The following BTRC variants were observed in gnomAD, a reference collection of about 807,000 sequenced individuals.
BTRC encodes F-box/WD repeat-containing protein 1A.
BTRC carries 42 observed loss-of-function variants against 85.5 expected under a neutral mutation model. The ratio of observed to expected loss-of-function variants is 0.49; its 90% CI spans 0.38 to 0.64. The LOEUF (loss-of-function observed/expected upper bound fraction) is 0.64, where lower values mean the gene tolerates loss of function less well. BTRC is among the 30% of genes least tolerant of loss of function. The probability of loss-of-function intolerance (pLI) is 0.00; values close to 1 mark genes in which losing one functional copy is unlikely to be tolerated. For synonymous variants in BTRC, 255 were observed against 263.3 expected (o/e 0.97, Z 0.30); for missense variants, 594 against 743.5 (o/e 0.80, Z 2.34).
intron 1 of BTRC, among the ~76,000 whole-genome samples, chr10:101,420,780 T>C (rs1413330533): frequency 6.6e-6 from 1 of 152,054 alleles, no homozygotes; most frequent in Non-Finnish European, 1.5e-5. Context: ...CTTAGCTTGA[T>C]GCCTCCTTTG....
chr10:101,362,429 C>T (rs541523556), intron 1 of BTRC, among the ~76,000 whole-genome samples: 29 of 150,954 alleles, frequency 1.9e-4, no homozygotes, highest in African/African-American at 6.8e-4. Context: ...GAGTTTCGCT[C>T]TTGTTGCCCA....
chr10:101,477,271 G>A (rs1283361368), intron 3 of BTRC, among the ~76,000 whole-genome samples: 1 of 151,998 alleles, frequency 6.6e-6, no homozygotes, highest in African/African-American at 2.4e-5. Context: ...AAAGTGCTGG[G>A]ATTACAGGTG....
At position 101,385,849 on chromosome 10, in the gene BTRC, A is replaced by G. The variant is rs1236706967; in HGVS notation, c.48+31621A>G. Among the ~76,000 whole-genome samples the G allele has an allele frequency of 4.0e-5, 6 of 150,590 alleles. No individual in the cohort carries two copies. The East Asian group carries it at 5.8e-4, about 15-fold the overall frequency. ...AGCTTGTTTTTTTTTTGATTCTTGC[A>G]TAGTATATTTTTATTTAAAAGGTTT... On this transcript the variant is annotated intron_variant, in intron 1 of 14. Transcript: ENST00000370187.
Position 101,554,023 on chromosome 10 carries a change from C to T in BTRC, c.*900C>T, listed in dbSNP as rs1434933850. 3 of 152,174 alleles carry T rather than the reference C, an allele frequency of 2.0e-5. No individual in the cohort carries two copies. Among genetic ancestry groups the T allele is most frequent in the Non-Finnish European group, 4.4e-5 (3 of 68,040 alleles). 9.4% of individuals were successfully genotyped at this position (152,174 alleles called of 1,614,324 possible). ...TTTGCAACTCTTCTCTCTCTTTCTTCCCCACACCCAAGAGGAGGATTGGTG... is the reference window on the plus strand; with the variant it reads ...TTTGCAACTCTTCTCTCTCTTTCTTTCCCACACCCAAGAGGAGGATTGGTG... On this transcript the variant is annotated 3_prime_UTR_variant, in exon 15 of 15. Transcript: ENST00000370187.
At chr10:101,366,612 G>C (rs921706321) in intron 1 of BTRC, among the ~76,000 whole-genome samples, 1 of 149,956 alleles carries the variant, frequency 6.7e-6, no homozygotes, top group African/African-American at 2.5e-5. Context: ...TCTGAGGTGG[G>C]CAATTCCAAG....
intron 1 of BTRC, among the ~76,000 whole-genome samples, chr10:101,426,244 T>C (rs1031595250): frequency 6.6e-6 from 1 of 152,242 alleles, no homozygotes; most frequent in African/African-American, 2.4e-5. Context: ...TTTACCAGTA[T>C]AGATAAGATT....
At chr10:101,379,316 ATG>A (rs1942870921) in intron 1 of BTRC, among the ~76,000 whole-genome samples, 1 of 152,204 alleles carries the variant, frequency 6.6e-6, no homozygotes, top group Non-Finnish European at 1.5e-5. Flanking sequence ...TTAGGTTTAT[ATG>A]TGGTCATGTT....
intron 1 of BTRC, among the ~76,000 whole-genome samples, chr10:101,399,431 G>A (rs1472431726): frequency 6.7e-6 from 1 of 150,114 alleles, no homozygotes; most frequent in Admixed American, 6.7e-5. Flanking sequence ...TACAACTTAG[G>A]ATATTAAATG....
At chr10:101,436,319 A>G (rs962428117) in intron 2 of BTRC, among the ~76,000 whole-genome samples, 3 of 152,172 alleles carry the variant, frequency 2.0e-5, no homozygotes, top group African/African-American at 7.2e-5. Context: ...TAGATATTGA[A>G]AGAGAAGAGA....
At chr10:101,442,109 T>C (rs1452892918) in intron 2 of BTRC, among the ~76,000 whole-genome samples, 1 of 152,148 alleles carries the variant, frequency 6.6e-6, no homozygotes, top group Non-Finnish European at 1.5e-5. Context: ...ACAAATGACA[T>C]AATGTAGCGG....
At chr10:101,354,279 C>T (rs1213937868) in intron 1 of BTRC, 51 bp downstream of exon 1, 23 of 1,542,956 alleles carry the variant, frequency 1.5e-5, no homozygotes, top group Non-Finnish European at 2.0e-5. Context: ...GCGTTGGCGG[C>T]GTCGCTGGCC....
At chr10:101,419,013 TC>T (rs1441554587) in intron 1 of BTRC, among the ~76,000 whole-genome samples, 4 of 151,348 alleles carry the variant, frequency 2.6e-5, no homozygotes, top group African/African-American at 9.7e-5. Context: ...TTTCTTTCTT[TC>T]TTTTTTTTTT....
intron 2 of BTRC, among the ~76,000 whole-genome samples, chr10:101,440,728 GA>G (rs915898059): frequency 4.6e-4 from 68 of 148,574 alleles, no homozygotes; most frequent in South Asian, 4.3e-4. Context: ...ATCTAAAAAA[GA>G]AAAAAAAAGG....
At chr10:101,542,885 G>A (rs767539055) in intron 13 of BTRC, among the ~76,000 whole-genome samples, 34 of 151,986 alleles carry the variant, frequency 2.2e-4, no homozygotes, top group Non-Finnish European at 4.0e-4. Flanking sequence ...TGTTGTTGTC[G>A]TTGTTTTTGA....
rs537347773 is a variant in BTRC at position 101,449,983 on chromosome 10, G to A, written c.157-11998G>A. ...TTTTGTAATTGCATTCGTACATTAA[G>A]CAGGATAAAAATGTAAAAAAAAAAA... On this transcript the variant is annotated intron_variant, in intron 2 of 14. Transcript: ENST00000370187. 4.9e-5 allele frequency among the ~76,000 whole-genome samples: 7 copies of A among 141,422 alleles called. No individual in the cohort carries two copies. In the South Asian group the frequency reaches 1.6e-3, roughly 31 times the overall value. 92.8% of individuals were successfully genotyped at this position (141,422 alleles called of 152,430 possible).
intron 4 of BTRC, among the ~76,000 whole-genome samples, chr10:101,505,145 A>ATATATATATG (rs1342849018): frequency 6.0e-5 from 6 of 99,322 alleles, no homozygotes; most frequent in Non-Finnish European, 1.3e-4. Context: ...ATATGTATAT[A>ATATATATATG]TATATGTATA....
At chr10:101,409,049 C>G (rs1053407231) in intron 1 of BTRC, among the ~76,000 whole-genome samples, 4 of 151,690 alleles carry the variant, frequency 2.6e-5, no homozygotes, top group African/African-American at 9.7e-5. Flanking sequence ...AACTCCATCT[C>G]AAAACAAAAA....
intron 5 of BTRC, among the ~76,000 whole-genome samples, chr10:101,524,809 C>A (rs2062166355): frequency 6.6e-6 from 1 of 152,132 alleles, no homozygotes; most frequent in Non-Finnish European, 1.5e-5. Context: ...TAATGCATGT[C>A]TCCATCTGCT....
At position 101,482,377 on chromosome 10, in the gene BTRC, TTTTG is replaced by T. The variant is rs201389963; in HGVS notation, c.324+2932_324+2935del. On this transcript the variant is annotated intron_variant, in intron 4 of 14. Transcript: ENST00000370187. ...GTGTGTCTCATGATCCCTGTTTCTT[TTTTG>T]TTTGTTTGTTTCTTTTTTTTTTTTT... 5.0e-3 allele frequency among the ~76,000 whole-genome samples: 751 copies of T among 149,144 alleles called. 11 individuals are homozygous for T. Among genetic ancestry groups the T allele is most frequent in the African/African-American group, 7.4e-3 (303 of 41,006 alleles).
Sources: gnomAD v4.1 joint callset for allele counts (sites outside exome capture counted in the v4.1 genomes callset) on GRCh38, gnomAD v4.1.1 for gene constraint, MANE v1.5 for transcripts, NCBI Gene and HGNC (gene_info 2026-07-23, HGNC 2026-07-21) for gene names.